Variants in FBXL18 observed in about 807,000 individuals in gnomAD.
FBXL18 encodes the protein F-box/LRR-repeat protein 18.
Under a neutral mutation model 46.0 loss-of-function variants are expected in FBXL18, and 36 were observed. That is an observed-to-expected ratio of 0.78 (90% CI 0.60 to 1.03). The LOEUF (loss-of-function observed/expected upper bound fraction) is 1.03. FBXL18 is among the 50% of genes least tolerant of loss of function. FBXL18 has a pLI of 0.00. For missense variants in FBXL18, 977 were observed against 1,004.1 expected, an observed-to-expected ratio of 0.97 and a Z score of 0.36; for synonymous variants, 557 against 465.3, an observed-to-expected ratio of 1.20 and a Z score of -2.54.
intron 1 of FBXL18, among the ~76,000 whole-genome samples, chr7:5,513,110 G>A (rs1321799471): frequency 6.6e-6 from 1 of 152,156 alleles, no homozygotes; most frequent in Non-Finnish European, 1.5e-5. Flanking sequence ...GGACGCGGCG[G>A]GCTTCTCCAT....
chr7:5,513,686 G>A lies in FBXL18; in HGVS notation c.-12C>T. The A allele has an allele frequency of 1.2e-6, 2 of 1,603,796 alleles. No individual in the cohort carries two copies. Among genetic ancestry groups the A allele is most frequent in the Non-Finnish European group, 1.7e-6 (2 of 1,175,430 alleles). On this transcript the variant is annotated 5_prime_UTR_variant, in exon 1 of 5. Coordinates refer to ENST00000382368, the MANE Select transcript of FBXL18 (RefSeq NM_024963.6). The stretch of plus-strand genomic sequence containing the variant: ...CCGGAGCTGGCCATGTCGCCGGCGG[G>A]TCCGAACCGCGGCCGCGGGATCCGC...
At chr7:5,498,501 C>T (rs115015282) in intron 3 of FBXL18, among the ~76,000 whole-genome samples, 301 of 152,380 alleles carry the variant, frequency 2.0e-3, no homozygotes, top group African/African-American at 6.9e-3. Flanking sequence ...TTCGCGTGTT[C>T]TGGCCTCCCT....
intron 3 of FBXL18, among the ~76,000 whole-genome samples, chr7:5,492,663 G>A (rs988581721): frequency 2.6e-5 from 4 of 152,068 alleles, no homozygotes; most frequent in African/African-American, 7.2e-5. Flanking sequence ...GCATGATGGG[G>A]ACTCTAAATC....
intron 1 of FBXL18, among the ~76,000 whole-genome samples, chr7:5,509,435 C>A (rs764560682): frequency 6.6e-6 from 1 of 151,944 alleles, no homozygotes. Flanking sequence ...GGCTCACGCC[C>A]GTAATCCCCA....
rs1417856705 is a variant in FBXL18 at position 5,491,385 on chromosome 7, G to A, written c.1846C>T (p.Leu616=). The A allele has an allele frequency of 3.1e-6, 5 of 1,607,888 alleles. No individual in the cohort carries two copies. The highest frequency in any genetic ancestry group is 4.2e-6 in the Non-Finnish European group (5 of 1,178,170). ...FFQALSQCPS[L]QRLCLVSRSG... is the part of the protein sequence containing the mutation. ...CGAGAGACCAGGCACAGGCGCTGCA[G>A]CGAGGGGCACTGGCTCAGCGCCTGG... Residue 616 remains leucine (L), a synonymous_variant, in exon 4 of 5, where the codon CTG becomes TTG. Coordinates refer to ENST00000382368, the MANE Select transcript of FBXL18 (RefSeq NM_024963.6).
intron 4 of FBXL18, among the ~76,000 whole-genome samples, chr7:5,463,720 A>ATATATATAT (rs1440019641): frequency 1.6e-5 from 1 of 63,290 alleles, no homozygotes; most frequent in Non-Finnish European, 2.8e-5. Flanking sequence ...TTATTTATTT[A>ATATATATAT]TTTATTTATT....
chr7:5,480,277 C>A lies in FBXL18; in HGVS notation c.*1498G>T, dbSNP rs1783606410. Among the ~76,000 whole-genome samples the A allele has an allele frequency of 6.6e-6, 1 of 152,146 alleles. No individual in the cohort carries two copies. Among genetic ancestry groups the A allele is most frequent in the Admixed American group, 6.5e-5 (1 of 15,276 alleles). ...AGAGCGGCCAGGGCGGCGGTCCAGG[C>A]TAGCAGGGCCCAACTACAGCCCCCT... is the stretch of plus-strand genomic sequence containing the variant. On this transcript the variant is annotated 3_prime_UTR_variant, in exon 5 of 5. Coordinates refer to ENST00000382368, the MANE Select transcript of FBXL18 (RefSeq NM_024963.6).
At chr7:5,513,520 G>A (rs1784594907) in intron 1 of FBXL18, 137 bp downstream of exon 1, 1 of 985,488 alleles carries the variant, frequency 1.0e-6, no homozygotes, top group Non-Finnish European at 1.6e-6. Flanking sequence ...GGCAAGGCCA[G>A]GGTCAGGATG....
At chr7:5,504,401 G>A (rs1356637439) in intron 2 of FBXL18, among the ~76,000 whole-genome samples, 1 of 150,026 alleles carries the variant, frequency 6.7e-6, no homozygotes, top group Non-Finnish European at 1.5e-5. Context: ...CTGCACTCCA[G>A]CCTGGGGATT....
intron 4 of FBXL18, among the ~76,000 whole-genome samples, chr7:5,484,612 G>C (rs925324991): frequency 7.9e-5 from 12 of 151,612 alleles, no homozygotes; most frequent in African/African-American, 2.9e-4. Flanking sequence ...TGGGACCACA[G>C]GCACACATCA....
At chr7:5,491,117 G>A (rs1562691861) in intron 4 of FBXL18, 114 bp downstream of exon 4, 1 of 972,212 alleles carries the variant, frequency 1.0e-6, no homozygotes. Context: ...ACTGCCTGGT[G>A]CTCGTCAATT....
Position 5,501,096 on chromosome 7 carries a change from C to T in FBXL18, c.1173G>A (p.Ser391=), listed in dbSNP as rs1325419455. The change falls in exon 3 of 5, where the codon TCG becomes TCA. Residue 391 remains serine, a synonymous_variant. Coordinates refer to ENST00000382368, the MANE Select transcript of FBXL18 (RefSeq NM_024963.6). ...SCCNLRHLNL[S]AAHHHSSEGL... ...CCTCCGAGCTGTGGTGGTGGGCGGC[C>T]GAGAGGTTCAGGTGGCGCAGGTTGC... 6.2e-7 allele frequency: 1 copy of T among 1,612,560 alleles called. No individual in the cohort carries two copies. Among genetic ancestry groups the T allele is most frequent in the Non-Finnish European group, 8.5e-7 (1 of 1,179,796 alleles).
downstream of FBXL18, among the ~76,000 whole-genome samples, chr7:5,471,210 A>T (rs1009751286): frequency 6.6e-6 from 1 of 152,190 alleles, no homozygotes; most frequent in African/African-American, 2.4e-5. Context: ...TCCTGGGGGC[A>T]GCCAAAGCCT....
intron 3 of FBXL18, among the ~76,000 whole-genome samples, chr7:5,498,770 AC>A (rs769487600): frequency 3.6e-4 from 54 of 151,868 alleles, no homozygotes; most frequent in Admixed American, 1.5e-3. Flanking sequence ...ACAGAGTTTT[AC>A]CATGTTGGCC....
At chr7:5,464,436 C>T (rs977078746) in intron 4 of FBXL18, among the ~76,000 whole-genome samples, 4 of 151,680 alleles carry the variant, frequency 2.6e-5, no homozygotes, top group African/African-American at 7.3e-5. Flanking sequence ...GCCGAGATCA[C>T]GCCACTGGAC....
At chr7:5,458,634 T>C (rs1584177529) in intron 4 of FBXL18, among the ~76,000 whole-genome samples, 2 of 151,370 alleles carry the variant, frequency 1.3e-5, no homozygotes, top group Non-Finnish European at 2.9e-5. Context: ...GAGGCAGAGG[T>C]TGCAGTGAGC....
Position 5,455,800 on chromosome 7 carries a change from G to A in FBXL18, c.2001-7957C>T, listed in dbSNP as rs952836676. Among the ~76,000 whole-genome samples the A allele has an allele frequency of 1.4e-5, 2 of 146,162 alleles. No homozygotes were observed. The highest frequency in any genetic ancestry group is 3.5e-3 in the Middle Eastern group (1 of 288). On this transcript the variant is annotated intron_variant and NMD_transcript_variant, in intron 4 of 6. Transcript: ENST00000415009. The surrounding 1 kb of genome is among the most constrained non-coding windows in gnomAD (Gnocchi z 4.6). Reference sequence around the variant, plus strand: ...CACACACACACACCACTTCCATGGCGCCAGGAGAGAGTTTGGTCCTTCAGC... The same window carrying A: ...CACACACACACACCACTTCCATGGCACCAGGAGAGAGTTTGGTCCTTCAGC...
intron 4 of FBXL18, among the ~76,000 whole-genome samples, chr7:5,486,795 G>A (rs979756841): frequency 6.6e-6 from 1 of 152,266 alleles, no homozygotes; most frequent in African/African-American, 2.4e-5. Context: ...CGACAGGTCA[G>A]CAGCCACGAC....
Position 5,480,224 on chromosome 7 carries a change from G to T in FBXL18, c.*1551C>A, listed in dbSNP as rs979157897. 6.6e-6 allele frequency among the ~76,000 whole-genome samples: 1 copy of T among 150,414 alleles called. No homozygotes were observed. Among genetic ancestry groups the T allele is most frequent in the African/African-American group, 2.5e-5 (1 of 39,750 alleles). ...TCACACGGAAACCCAGGAGGAGGAAGGCGGGCTGGACAAGGGGCCCTTCAC... is the reference window on the plus strand; with the variant it reads ...TCACACGGAAACCCAGGAGGAGGAATGCGGGCTGGACAAGGGGCCCTTCAC... On this transcript the variant is annotated 3_prime_UTR_variant, in exon 5 of 5. Transcript: ENST00000382368.
Sources: allele counts gnomAD v4.1 joint callset (sites outside exome capture counted in the v4.1 genomes callset), GRCh38; gene constraint gnomAD v4.1.1; non-coding constraint Gnocchi (gnomAD v3.1); transcripts MANE v1.5; gene names NCBI Gene and HGNC (gene_info 2026-07-23, HGNC 2026-07-21).